The following GRM1 variants were observed in gnomAD, a reference collection of about 807,000 sequenced individuals.
The protein encoded by GRM1 is glutamate metabotropic receptor 1.
A neutral mutation model predicts 90.9 loss-of-function variants in GRM1; 33 were observed. That is an observed-to-expected ratio of 0.36 (90% confidence interval 0.28 to 0.49). The LOEUF is 0.49. Among genes scored for constraint, GRM1 ranks in the 20% least tolerant of loss-of-function variants. GRM1 has a pLI of 0.99. For missense variants in GRM1, 1,190 were observed against 1,534.3 expected, an observed-to-expected ratio of 0.78 and a Z score of 3.75; for synonymous variants, 700 against 613.2, an observed-to-expected ratio of 1.14 and a Z score of -2.09.
intron 2 of GRM1, among the ~76,000 whole-genome samples, chr6:146,278,950 C>T (rs1782471311): frequency 6.6e-6 from 1 of 152,126 alleles, no homozygotes; most frequent in Non-Finnish European, 1.5e-5. Flanking sequence ...CCTAATCCGC[C>T]CGCCTCGGCC....
chr6:146,189,246 T>C (rs1778849225), intron 2 of GRM1, among the ~76,000 whole-genome samples: 1 of 152,198 alleles, frequency 6.6e-6, no homozygotes, highest in African/African-American at 2.4e-5. Flanking sequence ...CTGGTTCCTA[T>C]GCAATGGACT....
At chr6:146,320,724 C>A (rs2114968519) in intron 3 of GRM1, among the ~76,000 whole-genome samples, 1 of 152,120 alleles carries the variant, frequency 6.6e-6, no homozygotes, top group East Asian at 1.9e-4. Context: ...GGAATTTGTC[C>A]ATTTCTTCTA....
chr6:146,185,145 A>G (rs1302217740), intron 2 of GRM1, among the ~76,000 whole-genome samples: 2 of 152,226 alleles, frequency 1.3e-5, no homozygotes, highest in Non-Finnish European at 2.9e-5. Flanking sequence ...TGACATCTGG[A>G]TGATATGCAG....
intron 1 of GRM1, among the ~76,000 whole-genome samples, chr6:146,064,831 T>G (rs1775793570): frequency 6.6e-6 from 1 of 151,884 alleles, no homozygotes; most frequent in African/African-American, 2.4e-5. Context: ...ATATCTTCTC[T>G]TTTTCTTAAT....
At chr6:146,148,372 A>G (rs1345918024) in intron 1 of GRM1, among the ~76,000 whole-genome samples, 2 of 152,128 alleles carry the variant, frequency 1.3e-5, no homozygotes, top group Non-Finnish European at 2.9e-5. Flanking sequence ...TAAGCTTTAT[A>G]TATGTAAATG....
intron 1 of GRM1, among the ~76,000 whole-genome samples, chr6:146,079,305 C>T (rs571256544): frequency 6.6e-6 from 1 of 152,240 alleles, no homozygotes; most frequent in African/African-American, 2.4e-5. Flanking sequence ...CATTCAGCAC[C>T]TCGGATGTGT....
rs146198079 is a variant in GRM1, at chr6:146,399,208, C to A, written c.2169C>A (p.Thr723=). 6.2e-7 allele frequency: 1 copy of A among 1,613,996 alleles called. No individual in the cohort carries two copies. Among genetic ancestry groups the A allele is most frequent in the East Asian group, 2.2e-5 (1 of 44,870 alleles). Residue 723 remains threonine, a synonymous_variant, in exon 7 of 8, where the codon ACC becomes ACA. Transcript: ENST00000282753. The surrounding 1 kb of genome is among the most constrained non-coding windows in gnomAD (Gnocchi z 5.4). The part of the protein sequence containing the change: ...LISVQLTLVV[T]LIIMEPPMPI... Reference sequence around the variant, plus strand: ...GTGTGCAACTAACCCTGGTGGTAACCCTGATCATCATGGAACCCCCTATGC... The same window carrying A: ...GTGTGCAACTAACCCTGGTGGTAACACTGATCATCATGGAACCCCCTATGC...
intron 1 of GRM1, among the ~76,000 whole-genome samples, chr6:146,086,213 A>G (rs896968020): frequency 5.3e-5 from 8 of 152,080 alleles, no homozygotes; most frequent in African/African-American, 1.7e-4. Flanking sequence ...TAAAGGCTAA[A>G]TTAGTTATTT....
intron 1 of GRM1, among the ~76,000 whole-genome samples, chr6:146,084,267 G>A (rs1323114869): frequency 6.6e-6 from 1 of 151,672 alleles, no homozygotes; most frequent in Non-Finnish European, 1.5e-5. Context: ...GTTATGTCTT[G>A]TCTTCTGCTG....
intron 2 of GRM1, among the ~76,000 whole-genome samples, chr6:146,215,197 A>G (rs1259748706): frequency 1.3e-5 from 2 of 152,222 alleles, no homozygotes; most frequent in South Asian, 2.1e-4. Flanking sequence ...AACATAATAC[A>G]TTACTAAACA....
intron 5 of GRM1, among the ~76,000 whole-genome samples, chr6:146,375,870 A>G (rs1052272249): frequency 6.6e-6 from 1 of 152,056 alleles, no homozygotes; most frequent in Admixed American, 6.6e-5. Flanking sequence ...ATTCCATGTT[A>G]TTATTGATAA....
intron 1 of GRM1, among the ~76,000 whole-genome samples, chr6:146,058,214 G>A (rs145898468): frequency 6.6e-6 from 1 of 152,018 alleles, no homozygotes; most frequent in Admixed American, 6.6e-5. Flanking sequence ...CCTAGTCTCA[G>A]TATTCATGAT....
chr6:146,240,229 C>T (rs947476666), intron 2 of GRM1, among the ~76,000 whole-genome samples: 3 of 151,924 alleles, frequency 2.0e-5, no homozygotes, highest in Admixed American at 2.0e-4. Flanking sequence ...CCTCTGGCTC[C>T]GACGTTTTGA....
chr6:146,404,107 A>G (rs1020930562), intron 7 of GRM1, among the ~76,000 whole-genome samples: 3 of 152,252 alleles, frequency 2.0e-5, no homozygotes, highest in African/African-American at 7.2e-5. Context: ...TTTTTCTCTT[A>G]ATCACACAAT....
chr6:146,196,990 T>C (rs542339784), intron 2 of GRM1, among the ~76,000 whole-genome samples: 1 of 151,786 alleles, frequency 6.6e-6, no homozygotes, highest in Admixed American at 6.6e-5. Flanking sequence ...TTGGGGAAAT[T>C]GGACCTACAC....
At chr6:146,234,701 G>T (rs1052715864) in intron 2 of GRM1, among the ~76,000 whole-genome samples, 4 of 151,814 alleles carry the variant, frequency 2.6e-5, no homozygotes, top group African/African-American at 9.7e-5. Context: ...TTATCTTTTA[G>T]AAAAACTAAA....
At chr6:146,114,686 A>G (rs1047526005) in intron 1 of GRM1, among the ~76,000 whole-genome samples, 6 of 152,180 alleles carry the variant, frequency 3.9e-5, no homozygotes, top group African/African-American at 1.4e-4. Flanking sequence ...TACTATAAGC[A>G]TCAGACTGGA....
At chr6:146,322,574 C>CTTTTATTTTATTTTA (rs59946587) in intron 3 of GRM1, among the ~76,000 whole-genome samples, 10,528 of 144,894 alleles carry the variant, frequency 0.073, 826 homozygotes, top group African/African-American at 0.19. Context: ...TGCTGCCTTT[C>CTTTTATTTTATTTTA]TTTTATTTTA....
intron 2 of GRM1, among the ~76,000 whole-genome samples, chr6:146,182,697 ATTG>A (rs1778595086): frequency 6.6e-6 from 1 of 152,078 alleles, no homozygotes; most frequent in African/African-American, 2.4e-5. Flanking sequence ...AATACAAGTT[ATTG>A]TTGTATTTTT....
Sources: allele counts gnomAD v4.1 joint callset (sites outside exome capture counted in the v4.1 genomes callset), GRCh38; gene constraint gnomAD v4.1.1; non-coding constraint Gnocchi (gnomAD v3.1); transcripts MANE v1.5; gene names NCBI Gene and HGNC (gene_info 2026-07-23, HGNC 2026-07-21).